The following FUT8 variants were observed in gnomAD, a reference collection of about 807,000 sequenced individuals.
FUT8 encodes the protein fucosyltransferase 8, also known as alpha-(1,6)-fucosyltransferase.
A neutral mutation model predicts 71.3 loss-of-function variants in FUT8; 29 were observed. The ratio of observed to expected loss-of-function variants is 0.41; its 90% confidence interval spans 0.30 to 0.55. FUT8 has a LOEUF of 0.55. Ranked by LOEUF, FUT8 falls within the 20% of genes least tolerant of loss-of-function variation. FUT8 has a pLI of 0.34. For missense variants in FUT8, 544 were observed against 702.1 expected, an observed-to-expected ratio of 0.77 and a Z score of 2.55; for synonymous variants, 254 against 239.3, an observed-to-expected ratio of 1.06 and a Z score of -0.57.
chr14:65,453,749 C>G (rs993560420), intron 1 of FUT8, among the ~76,000 whole-genome samples: 1 of 152,142 alleles, frequency 6.6e-6, no homozygotes, highest in African/African-American at 2.4e-5. Flanking sequence ...TGGAACTTCA[C>G]CCTAAGCATG....
At chr14:65,375,919 C>T in the FUT8 span, among the ~76,000 whole-genome samples, 8 of 132,886 alleles carry the variant, frequency 6.0e-5, no homozygotes, top group East Asian at 2.7e-4. Context: ...GGTGAAACTC[C>T]GTCTCTACAA....
At chr14:65,468,559 C>T (rs1566766338) in intron 2 of FUT8, among the ~76,000 whole-genome samples, 1 of 151,680 alleles carries the variant, frequency 6.6e-6, no homozygotes, top group African/African-American at 2.4e-5. Flanking sequence ...TCTTATTGGT[C>T]TTAAAGTTAA....
At position 65,501,241 on chromosome 14, in the gene FUT8, C is replaced by T. The variant is rs2139769647; in HGVS notation, c.-228+45523C>T. Among the ~76,000 whole-genome samples, 3 of 152,210 alleles carry T rather than the reference C, an allele frequency of 2.0e-5. 1 individual carries two copies. In the Middle Eastern group the frequency reaches 0.01, roughly 518 times the overall value. ...AATTACAAACAAAAACAAAAAATTT[C>T]AGCCCAGAAAATTTAATACAGGGAA... is the stretch of plus-strand genomic sequence containing the variant. On this transcript the variant is annotated intron_variant, in intron 2 of 10. Coordinates refer to ENST00000673929, the MANE Select transcript of FUT8 (RefSeq NM_001371533.1).
chr14:65,608,291 T>G (rs962377263), intron 3 of FUT8, among the ~76,000 whole-genome samples: 1 of 151,952 alleles, frequency 6.6e-6, no homozygotes, highest in Non-Finnish European at 1.5e-5. Flanking sequence ...TATTGCTTAT[T>G]TGTGCCTACG....
intron 3 of FUT8, among the ~76,000 whole-genome samples, chr14:65,570,065 C>T (rs568186717): frequency 2.0e-5 from 3 of 152,114 alleles, no homozygotes; most frequent in South Asian, 4.1e-4. Context: ...ATTTGACATA[C>T]ATTGAAGAGA....
chr14:65,657,590 A>C (rs1488690840), intron 6 of FUT8, among the ~76,000 whole-genome samples: 1 of 152,168 alleles, frequency 6.6e-6, no homozygotes, highest in Non-Finnish European at 1.5e-5. Flanking sequence ...CACACTTGGC[A>C]TGTTCTTACT....
chr14:65,378,845 T>G, the FUT8 span, among the ~76,000 whole-genome samples: 11 of 133,664 alleles, frequency 8.2e-5, no homozygotes, highest in African/African-American at 2.7e-4. Context: ...AGGTTTTTTT[T>G]TTTTTTTTTT....
At chr14:65,671,646 GC>G (rs1373846019) in intron 7 of FUT8, among the ~76,000 whole-genome samples, 2 of 152,150 alleles carry the variant, frequency 1.3e-5, no homozygotes, top group Admixed American at 1.3e-4. Flanking sequence ...CACAGAAACT[GC>G]CTGGAATATC....
intron 6 of FUT8, chr14:65,645,813 A>G (rs998747314): frequency 6.6e-6 from 1 of 152,200 alleles, no homozygotes; most frequent in Non-Finnish European, 1.5e-5. Flanking sequence ...GCTAGGAACC[A>G]TGGGACACAT....
At chr14:65,503,685 C>T (rs2066682157) in intron 2 of FUT8, among the ~76,000 whole-genome samples, 1 of 152,108 alleles carries the variant, frequency 6.6e-6, no homozygotes, top group African/African-American at 2.4e-5. Flanking sequence ...TCTTTACAGA[C>T]CTAGATTTTG....
intron 7 of FUT8, among the ~76,000 whole-genome samples, chr14:65,692,142 C>T (rs1462243374): frequency 1.1e-4 from 17 of 151,902 alleles, no homozygotes; most frequent in East Asian, 5.9e-4. Context: ...GGGTGGTGGC[C>T]GGGCAGAGGG....
At chr14:65,573,909 T>C (rs1886621159) in intron 3 of FUT8, among the ~76,000 whole-genome samples, 2 of 152,142 alleles carry the variant, frequency 1.3e-5, no homozygotes. Context: ...ACCAACCTAG[T>C]GCTGTAAAAC....
intron 7 of FUT8, among the ~76,000 whole-genome samples, chr14:65,678,702 A>G (rs983789001): frequency 2.0e-5 from 3 of 152,174 alleles, no homozygotes; most frequent in African/African-American, 7.2e-5. Context: ...AACATACCCC[A>G]GGTAGGAATT....
At chr14:65,493,597 A>G (rs1186539528) in intron 2 of FUT8, among the ~76,000 whole-genome samples, 2 of 152,034 alleles carry the variant, frequency 1.3e-5, no homozygotes, top group Non-Finnish European at 2.9e-5. Context: ...TTAATATTAA[A>G]TATTAATTAA....
chr14:65,656,325 T>A (rs541815314), intron 6 of FUT8, among the ~76,000 whole-genome samples: 2 of 151,764 alleles, frequency 1.3e-5, no homozygotes, highest in African/African-American at 4.9e-5. Flanking sequence ...ATATCAGTAT[T>A]GTTTCTATAT....
chr14:65,738,630 G>A (rs774398748), intron 10 of FUT8, among the ~76,000 whole-genome samples: 12 of 152,050 alleles, frequency 7.9e-5, no homozygotes, highest in Non-Finnish European at 5.9e-5. Flanking sequence ...ACCTGAGTAT[G>A]GACGTCAGCT....
chr14:65,402,196 ATTTTTTTT>A, the FUT8 span, among the ~76,000 whole-genome samples: 2 of 75,832 alleles, frequency 2.6e-5, no homozygotes, highest in South Asian at 1.1e-3. Context: ...ATGGAGTGTG[ATTTTTTTT>A]TTTTTTTTTT....
chr14:65,564,690 C>A (rs1886095339), intron 3 of FUT8, among the ~76,000 whole-genome samples: 1 of 151,958 alleles, frequency 6.6e-6, no homozygotes, highest in African/African-American at 2.4e-5. Flanking sequence ...TCTGTCCTGA[C>A]CTCCTGTCCC....
At chr14:65,545,246 G>A (rs1196576994) in intron 2 of FUT8, among the ~76,000 whole-genome samples, 2 of 151,884 alleles carry the variant, frequency 1.3e-5, no homozygotes, top group Non-Finnish European at 2.9e-5. Flanking sequence ...AATAAATTCT[G>A]TAACAATATT....
Sources: allele counts gnomAD v4.1 joint callset (sites outside exome capture counted in the v4.1 genomes callset), GRCh38; gene constraint gnomAD v4.1.1; transcripts MANE v1.5; gene names NCBI Gene and HGNC (gene_info 2026-07-23, HGNC 2026-07-21).